SAMD8: variants seen among roughly 807,000 people sequenced by gnomAD.
SAMD8 encodes the protein sphingomyelin synthase-related protein 1.
In SAMD8, 20 loss-of-function variants were observed where a neutral mutation model predicts 42.0. The observed-to-expected ratio is 0.48, with a 90% CI of 0.34 to 0.69. SAMD8 has a LOEUF of 0.69. SAMD8 is among the 30% of genes least tolerant of loss of function. SAMD8 has a pLI of 0.01. For synonymous variants in SAMD8, 162 were observed against 173.0 expected, an observed-to-expected ratio of 0.94 and a Z score of 0.50; for missense variants, 328 against 511.6, an observed-to-expected ratio of 0.64 and a Z score of 3.46.
chr10:75,170,452 G>A (rs984128353), intron 4 of SAMD8, among the ~76,000 whole-genome samples: 1 of 152,144 alleles, frequency 6.6e-6, no homozygotes, highest in Non-Finnish European at 1.5e-5. Context: ...GTATTAGGAA[G>A]GCTTAGACTG....
chr10:75,143,052 T>C (rs1192756177), intron 1 of SAMD8, among the ~76,000 whole-genome samples: 1 of 150,838 alleles, frequency 6.6e-6, no homozygotes, highest in Non-Finnish European at 1.5e-5. Flanking sequence ...CTCACGCCTG[T>C]AATCCCAGCA....
intron 1 of SAMD8, chr10:75,102,085 C>T (rs1450522721): frequency 1.6e-6 from 1 of 617,574 alleles, no homozygotes; most frequent in Non-Finnish European, 2.6e-6. Flanking sequence ...AGTCAGGCAC[C>T]TTTCCCTCCA....
chr10:75,165,020 G>T (rs1428388260), intron 3 of SAMD8, among the ~76,000 whole-genome samples: 1 of 152,238 alleles, frequency 6.6e-6, no homozygotes, highest in African/African-American at 2.4e-5. Flanking sequence ...GCTGGGCGCG[G>T]TGGCTCATGC....
chr10:75,108,125 C>T (rs1252059838), upstream of SAMD8: 5 of 1,613,618 alleles, frequency 3.1e-6, no homozygotes, highest in East Asian at 8.9e-5. Flanking sequence ...CAGGGCCGCC[C>T]TGACAGTAGA....
chr10:75,113,350 G>A (rs1042342940), intron 1 of SAMD8, among the ~76,000 whole-genome samples: 1 of 151,566 alleles, frequency 6.6e-6, no homozygotes, highest in African/African-American at 2.4e-5. Flanking sequence ...AAAGTTGTTG[G>A]CCATTTCTTT....
chr10:75,167,938 G>A (rs140322228), intron 3 of SAMD8, among the ~76,000 whole-genome samples: 263 of 152,232 alleles, frequency 1.7e-3, no homozygotes, highest in African/African-American at 6.0e-3. Context: ...TCAGTAATAG[G>A]ACTAACACCA....
At chr10:75,104,101 GAA>G (rs1848347337) in intron 1 of SAMD8, 1 of 1,339,588 alleles carries the variant, frequency 7.5e-7, no homozygotes, top group African/African-American at 1.5e-5. Context: ...ACCAGCTCTG[GAA>G]GAGAGATGAG....
chr10:75,173,663 C>T (rs971142992), intron 4 of SAMD8, among the ~76,000 whole-genome samples: 3 of 152,116 alleles, frequency 2.0e-5, no homozygotes, highest in Non-Finnish European at 4.4e-5. Flanking sequence ...AGAACCAAAC[C>T]CATGTGTATT....
upstream of SAMD8, among the ~76,000 whole-genome samples, chr10:75,107,346 G>GA (rs750968267): frequency 5.2e-3 from 600 of 115,998 alleles, no homozygotes; most frequent in Middle Eastern, 0.022. Flanking sequence ...CTCTGTCTCA[G>GA]AAAAAAAAAA....
At position 75,176,833 on chromosome 10, in the gene SAMD8, T is replaced by C; in HGVS notation, c.*141T>C. 1 of 637,988 alleles carries C rather than the reference T, an allele frequency of 1.6e-6. No homozygotes were observed. The highest frequency in any genetic ancestry group is 2.6e-6 in the Non-Finnish European group (1 of 379,280). 39.5% of individuals were successfully genotyped at this position (637,988 alleles called of 1,614,324 possible). A position where few individuals can be genotyped will look rare whatever the true frequency, so the allele number is the denominator to read the frequency against. On this transcript the variant is annotated 3_prime_UTR_variant, in exon 6 of 6. Transcript: ENST00000542569. The surrounding 1 kb of genome is among the most constrained non-coding windows in gnomAD (Gnocchi z 4.3). ...AAGTTTTCTGTTCTGAGCAAAGTTA[T>C]GATTATAAAAAGCAAGAAAGAACAA...
At chr10:75,103,350 G>T (rs1447026159) in intron 1 of SAMD8, among the ~76,000 whole-genome samples, 1 of 152,244 alleles carries the variant, frequency 6.6e-6, no homozygotes. Flanking sequence ...CCCACACACA[G>T]ACACAGGTGT....
In SAMD8 at chr10:75,114,278, G is replaced by A. The variant is rs182150804; in HGVS notation, c.-16+2556G>A. On this transcript the variant is annotated intron_variant, in intron 1 of 5. Coordinates refer to ENST00000542569, the MANE Select transcript of SAMD8 (RefSeq NM_001174156.2). ...CTCTTGAACCCGGGAAGCAGAGGTT[G>A]TGAGCTGAGATCACACCACTGCACT... Among the ~76,000 whole-genome samples the A allele has an allele frequency of 3.3e-5, 5 of 151,286 alleles. No individual in the cohort carries two copies. In the East Asian group the frequency reaches 7.8e-4, roughly 24 times the overall value.
chr10:75,150,635 A>G lies in SAMD8; in HGVS notation c.107A>G (p.Lys36Arg). 6.2e-7 allele frequency: 1 copy of G among 1,614,230 alleles called. No individual in the cohort carries two copies. Among genetic ancestry groups the G allele is most frequent in the Non-Finnish European group, 8.5e-7 (1 of 1,180,048 alleles). ...FFEYVDILCNKHRLDGITLLT... is the reference protein window; with the variant it reads ...FFEYVDILCNRHRLDGITLLT... ...GAATATGTGGACATTTTATGCAATAAGCACCGACTTGATGGAATCACATTG... is the reference window on the plus strand; with the variant it reads ...GAATATGTGGACATTTTATGCAATAGGCACCGACTTGATGGAATCACATTG... Residue 36 changes from lysine (K) to arginine (R), a missense_variant, in exon 2 of 6, where the codon AAG (lysine) becomes AGG (arginine). By Grantham distance (26) the Lys-to-Arg change is conservative. Coordinates refer to ENST00000542569, the MANE Select transcript of SAMD8 (RefSeq NM_001174156.2).
chr10:75,147,193 G>A (rs952649828), intron 1 of SAMD8, among the ~76,000 whole-genome samples: 5 of 152,188 alleles, frequency 3.3e-5, no homozygotes, highest in Non-Finnish European at 5.9e-5. Flanking sequence ...AGTATGAGAG[G>A]AAACTGTCCT....
upstream of SAMD8, chr10:75,108,160 C>G (rs762178157): frequency 3.7e-6 from 6 of 1,612,606 alleles, no homozygotes; most frequent in African/African-American, 4.0e-5. Context: ...GCGTTCAGCA[C>G]GTGGGTGATG....
At chr10:75,161,964 G>A (rs908583494) in intron 2 of SAMD8, among the ~76,000 whole-genome samples, 1 of 150,890 alleles carries the variant, frequency 6.6e-6, no homozygotes, top group Non-Finnish European at 1.5e-5. Context: ...CTTGAACCCA[G>A]GAGGCAGAAG....
At chr10:75,143,602 G>A (rs1413384740) in intron 1 of SAMD8, among the ~76,000 whole-genome samples, 5 of 151,628 alleles carry the variant, frequency 3.3e-5, no homozygotes, top group African/African-American at 1.2e-4. Flanking sequence ...CTGTATTCTA[G>A]CTTGGCTTGA....
intron 1 of SAMD8, among the ~76,000 whole-genome samples, chr10:75,117,286 G>A (rs1450088007): frequency 6.6e-6 from 1 of 151,958 alleles, no homozygotes; most frequent in African/African-American, 2.4e-5. Context: ...AGCCGGGTGT[G>A]GTGGTGTGCA....
chr10:75,152,052 T>C (rs1370389513), intron 2 of SAMD8, among the ~76,000 whole-genome samples: 6 of 128,828 alleles, frequency 4.7e-5, no homozygotes, highest in Non-Finnish European at 6.6e-5. Context: ...CTTGGCTGCC[T>C]TTTTTTATTT....
Sources: allele counts gnomAD v4.1 joint callset (sites outside exome capture counted in the v4.1 genomes callset), GRCh38; gene constraint gnomAD v4.1.1; non-coding constraint Gnocchi (gnomAD v3.1); transcripts MANE v1.5; gene names NCBI Gene and HGNC (gene_info 2026-07-23, HGNC 2026-07-21).